Variants in UNC5C observed in about 807,000 individuals in gnomAD.
UNC5C encodes netrin receptor UNC5C.
UNC5C carries 47 observed loss-of-function variants against 99.8 expected under a neutral mutation model. That is an observed-to-expected ratio of 0.47 (90% CI 0.37 to 0.60). The LOEUF is 0.60. Ranked by LOEUF, UNC5C falls within the 20% of genes least tolerant of loss-of-function variation. The pLI, the probability that UNC5C is intolerant of heterozygous loss-of-function variation, is 0.00. For missense variants in UNC5C, 1,062 were observed against 1,165.9 expected, an observed-to-expected ratio of 0.91 and a Z score of 1.30; for synonymous variants, 487 against 452.2, an observed-to-expected ratio of 1.08 and a Z score of -0.98.
chr4:95,194,986 CCT>C (rs1737320463), intron 12 of UNC5C, among the ~76,000 whole-genome samples: 1 of 152,016 alleles, frequency 6.6e-6, no homozygotes, highest in Non-Finnish European at 1.5e-5. Flanking sequence ...CAAAAATATC[CCT>C]GTGACTAAAT....
At position 95,202,842 on chromosome 4, in the gene UNC5C, G is replaced by A; in HGVS notation, c.2025C>T (p.Thr675=). The part of the protein sequence containing the change: ...STYALVGHST[T]KAAAKRLKLA... ...GCTTGAGGCGCTTCGCAGCCGCTTTGGTGGTGGAATGTCCTACCAGGGCGT... is the reference window on the plus strand; with the variant it reads ...GCTTGAGGCGCTTCGCAGCCGCTTTAGTGGTGGAATGTCCTACCAGGGCGT... Residue 675 remains threonine (T), a synonymous_variant, in exon 12 of 16, where the codon ACC becomes ACT. Coordinates refer to ENST00000453304, the MANE Select transcript of UNC5C (RefSeq NM_003728.4). The A allele has an allele frequency of 1.9e-6, 3 of 1,614,134 alleles. No individual in the cohort carries two copies. The highest frequency in any genetic ancestry group is 1.1e-5 in the South Asian group (1 of 91,080).
At chr4:95,491,454 A>G (rs1721489641) in intron 1 of UNC5C, among the ~76,000 whole-genome samples, 1 of 151,620 alleles carries the variant, frequency 6.6e-6, no homozygotes, top group South Asian at 2.1e-4. Flanking sequence ...GCCCATCTAT[A>G]TATAGACAAG....
At chr4:95,525,339 T>C (rs1380131573) in intron 1 of UNC5C, among the ~76,000 whole-genome samples, 1 of 152,074 alleles carries the variant, frequency 6.6e-6, no homozygotes, top group Non-Finnish European at 1.5e-5. Flanking sequence ...AGCCATATAC[T>C]CTTATAACTT....
Position 95,185,085 on chromosome 4 carries a change from G to A in UNC5C, c.2248C>T (p.His750Tyr). The A allele has an allele frequency of 6.2e-7, 1 of 1,613,830 alleles. No homozygotes were observed. The change falls in exon 13 of 16, where the codon CAT becomes TAT. Residue 750 changes from histidine to tyrosine, a missense_variant. Transcript: ENST00000453304. ...AGCAATTTGCTCTTCCAGAGGGAAT[G>A]GGCGATATCGTGAATTGACAGGCGC... The part of the protein sequence containing the change: ...NLRLSIHDIA[H>Y]SLWKSKLLAK...
At chr4:95,483,612 T>G (rs2149478914) in intron 1 of UNC5C, among the ~76,000 whole-genome samples, 1 of 151,918 alleles carries the variant, frequency 6.6e-6, no homozygotes, top group African/African-American at 2.4e-5. Flanking sequence ...GTATTCTCAT[T>G]AATTCAATTT....
chr4:95,165,804 A>G lies in UNC5C; in HGVS notation c.*3430T>C, dbSNP rs1203454274. The G allele has an allele frequency of 2.0e-5, 3 of 152,200 alleles. No individual in the cohort carries two copies. Among genetic ancestry groups the G allele is most frequent in the African/African-American group, 4.8e-5 (2 of 41,448 alleles). 9.4% of individuals were successfully genotyped at this position (152,200 alleles called of 1,614,324 possible). A position where few individuals can be genotyped will look rare whatever the true frequency, so the allele number is the denominator to read the frequency against. ...GGAGATTTAAAGTATACAAACCCCA[A>G]TGAAAACCATAAGTGTTAAAAATGA... On this transcript the variant is annotated 3_prime_UTR_variant, in exon 16 of 16. Transcript: ENST00000453304.
At chr4:95,189,677 G>A (rs181788886) in intron 12 of UNC5C, among the ~76,000 whole-genome samples, 223 of 152,260 alleles carry the variant, frequency 1.5e-3, no homozygotes, top group African/African-American at 4.5e-3. Flanking sequence ...AAAAGTGGGC[G>A]AAGGATATGA....
chr4:95,309,027 C>T (rs1742169500), intron 2 of UNC5C, among the ~76,000 whole-genome samples: 1 of 152,016 alleles, frequency 6.6e-6, no homozygotes. Flanking sequence ...ACTTGATCTC[C>T]ACATCTACTA....
intron 1 of UNC5C, among the ~76,000 whole-genome samples, chr4:95,379,675 A>G (rs1378392472): frequency 1.3e-5 from 2 of 152,206 alleles, no homozygotes; most frequent in African/African-American, 4.8e-5. Context: ...ATTTTCACTG[A>G]TAGATCGACC....
chr4:95,306,396 G>A (rs887528553), intron 2 of UNC5C, among the ~76,000 whole-genome samples: 2 of 151,938 alleles, frequency 1.3e-5, no homozygotes, highest in Non-Finnish European at 2.9e-5. Context: ...TAGAGATGGG[G>A]TTTCACCATG....
chr4:95,301,879 C>T, intron 2 of UNC5C, 130 bp from the exon 3 acceptor site: 1 of 1,194,202 alleles, frequency 8.4e-7, no homozygotes, highest in Non-Finnish European at 1.1e-6. Flanking sequence ...TATTGTCTCT[C>T]ATCTCTTTTG....
At chr4:95,183,666 C>T (rs1236103755) in intron 13 of UNC5C, among the ~76,000 whole-genome samples, 1 of 151,208 alleles carries the variant, frequency 6.6e-6, no homozygotes, top group Non-Finnish European at 1.5e-5. Flanking sequence ...TCTAGACCAC[C>T]TTACAGAGCC....
At chr4:95,177,792 C>A (rs958885863) in intron 14 of UNC5C, among the ~76,000 whole-genome samples, 1 of 151,944 alleles carries the variant, frequency 6.6e-6, no homozygotes, top group African/African-American at 2.4e-5. Context: ...GCCTTGAATT[C>A]TTGGGCTCAA....
intron 12 of UNC5C, among the ~76,000 whole-genome samples, chr4:95,188,185 C>A (rs907744734): frequency 6.6e-6 from 1 of 152,084 alleles, no homozygotes; most frequent in South Asian, 2.1e-4. Flanking sequence ...ACTGCTGGCT[C>A]AGACAGCTTG....
Position 95,171,649 on chromosome 4 carries a change from T to C in UNC5C, c.2452-1317A>G, listed in dbSNP as rs927455071. On this transcript the variant is annotated intron_variant, in intron 14 of 15. Coordinates refer to ENST00000453304, the MANE Select transcript of UNC5C (RefSeq NM_003728.4). Reference sequence around the variant, plus strand: ...AATCCAGTCTATCATTGTTGGACATTTGGGTTGGTTCCAAGTCTTTGCTAT... The same window carrying C: ...AATCCAGTCTATCATTGTTGGACATCTGGGTTGGTTCCAAGTCTTTGCTAT... Among the ~76,000 whole-genome samples, 34 of 152,080 alleles carry C rather than the reference T, an allele frequency of 2.2e-4. No individual in the cohort carries two copies. In the East Asian group the frequency reaches 3.3e-3, roughly 15 times the overall value.
At chr4:95,169,994 T>C (rs1464154747) in intron 15 of UNC5C, among the ~76,000 whole-genome samples, 160 bp downstream of exon 15, 1 of 152,154 alleles carries the variant, frequency 6.6e-6, no homozygotes, top group Non-Finnish European at 1.5e-5. Context: ...AAGCCCGTAG[T>C]GCAAGGTACA....
rs1377524798 is a variant in UNC5C at position 95,354,477 on chromosome 4, A to T, written c.125-18846T>A. 1.3e-3 allele frequency among the ~76,000 whole-genome samples: 111 copies of T among 84,086 alleles called. 2 individuals are homozygous for T. The highest frequency in any genetic ancestry group is 5.0e-3 in the African/African-American group (101 of 20,132). The allele number at this position is 84,086 out of a possible 152,430, so 55.2% of individuals were successfully genotyped here. ...TTTTACCTAACTCTTCCATATATATATATTTTTTTTTTTTTTTTAAGAGAC... is the reference window on the plus strand; with the variant it reads ...TTTTACCTAACTCTTCCATATATATTTATTTTTTTTTTTTTTTTAAGAGAC... On this transcript the variant is annotated intron_variant, in intron 1 of 15. Transcript: ENST00000453304.
chr4:95,295,163 G>C (rs896696228), intron 3 of UNC5C, among the ~76,000 whole-genome samples: 1 of 152,178 alleles, frequency 6.6e-6, no homozygotes, highest in African/African-American at 2.4e-5. Flanking sequence ...TATTTTGCCT[G>C]AACCTTAAGC....
chr4:95,170,393 G>A, intron 14 of UNC5C, 61 bp from the exon 15 acceptor site: 1 of 1,561,460 alleles, frequency 6.4e-7, no homozygotes, highest in Non-Finnish European at 8.8e-7. Flanking sequence ...AATCTCTATT[G>A]AACCAATCAA....
Sources: gnomAD v4.1 joint callset for allele counts (sites outside exome capture counted in the v4.1 genomes callset) on GRCh38, gnomAD v4.1.1 for gene constraint, MANE v1.5 for transcripts, NCBI Gene and HGNC (gene_info 2026-07-23, HGNC 2026-07-21) for gene names.